The following CCDC141 variants were observed in gnomAD, a reference collection of about 807,000 sequenced individuals.
CCDC141 encodes the protein coiled-coil domain-containing protein 141.
A neutral mutation model predicts 181.0 loss-of-function variants in CCDC141; 168 were observed. The ratio of observed to expected loss-of-function variants is 0.93; its 90% CI spans 0.82 to 1.05. The LOEUF (loss-of-function observed/expected upper bound fraction) is 1.05. Among genes scored for constraint, CCDC141 ranks in the 50% least tolerant of loss-of-function variants. The probability of loss-of-function intolerance (pLI) is 0.00; values close to 1 mark genes in which losing one functional copy is unlikely to be tolerated. For missense variants in CCDC141, 1,902 were observed against 1,788.5 expected, an observed-to-expected ratio of 1.06 and a Z score of -1.14; for synonymous variants, 666 against 642.3, an observed-to-expected ratio of 1.04 and a Z score of -0.56.
chr2:178,986,495 G>T (rs1230063470), intron 2 of CCDC141, among the ~76,000 whole-genome samples: 2 of 152,100 alleles, frequency 1.3e-5, no homozygotes, highest in East Asian at 1.9e-4. Flanking sequence ...GGAAATAAAG[G>T]GTATTCAATC....
At chr2:178,940,427 C>T (rs926626741) in intron 6 of CCDC141, among the ~76,000 whole-genome samples, 3 of 152,086 alleles carry the variant, frequency 2.0e-5, no homozygotes, top group Non-Finnish European at 2.9e-5. Flanking sequence ...AATGGAAACA[C>T]GTAACTCTGT....
Position 178,837,213 on chromosome 2 carries a change from G to A in CCDC141, c.4006C>T (p.Pro1336Ser), listed in dbSNP as rs1684516355. 2 of 1,613,942 alleles carry A rather than the reference G, an allele frequency of 1.2e-6. No individual in the cohort carries two copies. Among genetic ancestry groups the A allele is most frequent in the South Asian group, 1.1e-5 (1 of 91,062 alleles). Residue 1336 changes from proline to serine, a missense_variant, in exon 23 of 24, where the codon CCT becomes TCT. Physicochemically the swap from Pro to Ser is moderately conservative, Grantham distance 74. Transcript: ENST00000443758. ...EVHERALQQH[P>S]QAQGGLLETR... Reference sequence around the variant, plus strand: ...TCTAGCAAACCACCCTGAGCCTGAGGGTGCTGCTGTAAAGCTCTCTCATGC... The same window carrying A: ...TCTAGCAAACCACCCTGAGCCTGAGAGTGCTGCTGTAAAGCTCTCTCATGC...
chr2:178,918,391 G>A (rs1310832829), intron 7 of CCDC141, among the ~76,000 whole-genome samples: 1 of 152,176 alleles, frequency 6.6e-6, no homozygotes, highest in Non-Finnish European at 1.5e-5. Context: ...CAGGGTGACA[G>A]AGCCAGGCCC....
chr2:178,955,805 A>G (rs1340062032), intron 5 of CCDC141, among the ~76,000 whole-genome samples: 1 of 152,222 alleles, frequency 6.6e-6, no homozygotes, highest in Non-Finnish European at 1.5e-5. Context: ...AAAAGATACT[A>G]CTTTTTGTTT....
chr2:178,996,522 A>T (rs1213298949), intron 2 of CCDC141, among the ~76,000 whole-genome samples: 1 of 152,186 alleles, frequency 6.6e-6, no homozygotes, highest in Non-Finnish European at 1.5e-5. Flanking sequence ...TAAATCCAAA[A>T]ATGGGCTATT....
At chr2:178,817,489 A>T in the CCDC141 span, 272 of 470,896 alleles carry the variant, frequency 5.8e-4, 5 homozygotes, top group South Asian at 4.2e-3. Flanking sequence ...AACACAATAT[A>T]TTCTTCTGAA....
rs1369280049 is a variant in CCDC141, at chr2:178,834,031, C to G, written c.*142G>C. The G allele has an allele frequency of 1.3e-6, 1 of 783,602 alleles. No homozygotes were observed. Among genetic ancestry groups the G allele is most frequent in the African/African-American group, 1.7e-5 (1 of 57,234 alleles). The allele number at this position is 783,602 out of a possible 1,614,324, so 48.5% of individuals were successfully genotyped here. A position where few individuals can be genotyped will look rare whatever the true frequency, so the allele number is the denominator to read the frequency against. On this transcript the variant is annotated 3_prime_UTR_variant, in exon 24 of 24. Transcript: ENST00000443758. Reference sequence around the variant, plus strand: ...CAGAAAATTTGATTATTTCACCTAGCAGTGGTATTAGCCAAACAAGTATGG... The same window carrying G: ...CAGAAAATTTGATTATTTCACCTAGGAGTGGTATTAGCCAAACAAGTATGG...
chr2:178,877,212 G>A (rs1686391321), intron 12 of CCDC141: 1 of 152,084 alleles, frequency 6.6e-6, no homozygotes, highest in Admixed American at 6.5e-5. Flanking sequence ...CTCAGACATA[G>A]CAACTGTTTT....
At chr2:178,976,671 G>A (rs1000409193) in intron 3 of CCDC141, among the ~76,000 whole-genome samples, 1 of 152,104 alleles carries the variant, frequency 6.6e-6, no homozygotes, top group African/African-American at 2.4e-5. Flanking sequence ...GCAATTATTA[G>A]TAATTTTTCA....
chr2:178,869,564 G>A (rs1261600576), intron 14 of CCDC141, among the ~76,000 whole-genome samples: 1 of 152,156 alleles, frequency 6.6e-6, no homozygotes, highest in Non-Finnish European at 1.5e-5. Flanking sequence ...GAAAAACAAA[G>A]TCATACATTT....
At chr2:178,818,809 G>A in the CCDC141 span, among the ~76,000 whole-genome samples, 5 of 152,270 alleles carry the variant, frequency 3.3e-5, no homozygotes, top group South Asian at 6.2e-4. Context: ...TGGGATTGCT[G>A]GGTCAAACGG....
chr2:179,048,384 G>A (rs868052222), intron 1 of CCDC141, among the ~76,000 whole-genome samples: 31 of 152,122 alleles, frequency 2.0e-4, no homozygotes, highest in African/African-American at 5.5e-4. Context: ...GGGTAGTGGG[G>A]GAACATTCTT....
At chr2:179,042,457 C>T (rs2043337796) in intron 2 of CCDC141, among the ~76,000 whole-genome samples, 1 of 152,184 alleles carries the variant, frequency 6.6e-6, no homozygotes, top group Non-Finnish European at 1.5e-5. Flanking sequence ...AATAAATTCT[C>T]CTGCCTCAGC....
chr2:178,910,542 C>G (rs1688176646), intron 7 of CCDC141, among the ~76,000 whole-genome samples: 1 of 152,160 alleles, frequency 6.6e-6, no homozygotes. Flanking sequence ...TTACAAAGAC[C>G]AAAAGCTTCA....
At chr2:178,911,338 T>C (rs1433925829) in intron 7 of CCDC141, among the ~76,000 whole-genome samples, 1 of 152,186 alleles carries the variant, frequency 6.6e-6, no homozygotes, top group Non-Finnish European at 1.5e-5. Flanking sequence ...AAGGTACCAA[T>C]AGTACTTCTA....
rs570537506 is a variant in CCDC141, at chr2:178,834,321, C to T, written c.4445G>A (p.Arg1482Gln). 4.8e-5 allele frequency: 74 copies of T among 1,535,878 alleles called. 1 individual carries two copies. The highest frequency in any genetic ancestry group is 1.7e-4 in the Middle Eastern group (1 of 5,990). Reference sequence around the variant, plus strand: ...GAGAGCGCCGCTAGAGTTTTGGGCCCGAGCCACATAGAGGCCTGCGTCTGC... The same window carrying T: ...GAGAGCGCCGCTAGAGTTTTGGGCCTGAGCCACATAGAGGCCTGCGTCTGC... Reference protein sequence around the residue: ...CKADAGLYVARAQNSSGALSS... With the variant: ...CKADAGLYVAQAQNSSGALSS... Residue 1482 changes from arginine (R) to glutamine (Q), a missense_variant, in exon 24 of 24, where the codon CGG (arginine) becomes CAG (glutamine). By Grantham distance (43) the Arg-to-Gln change is conservative. Coordinates refer to ENST00000443758, the MANE Select transcript of CCDC141 (RefSeq NM_173648.4).
chr2:179,043,061 A>G (rs2043363889), intron 2 of CCDC141, among the ~76,000 whole-genome samples: 1 of 152,210 alleles, frequency 6.6e-6, no homozygotes, highest in East Asian at 1.9e-4. Flanking sequence ...CCCAACAGAA[A>G]TACAAACAAC....
At chr2:178,947,884 T>C (rs1354571283) in intron 5 of CCDC141, among the ~76,000 whole-genome samples, 1 of 152,176 alleles carries the variant, frequency 6.6e-6, no homozygotes, top group South Asian at 2.1e-4. Flanking sequence ...AGCATAAATA[T>C]AATGAAAATA....
intron 11 of CCDC141, among the ~76,000 whole-genome samples, chr2:178,881,973 T>G (rs1294017349): frequency 7.1e-6 from 1 of 140,500 alleles, no homozygotes; most frequent in African/African-American, 2.7e-5. Flanking sequence ...CAGTCTACAT[T>G]TGAAGGGAAA....
Sources: allele counts gnomAD v4.1 joint callset (sites outside exome capture counted in the v4.1 genomes callset), GRCh38; gene constraint gnomAD v4.1.1; transcripts MANE v1.5; gene names NCBI Gene and HGNC (gene_info 2026-07-23, HGNC 2026-07-21).